Variants in FRMD5 observed in about 807,000 individuals in gnomAD.
FRMD5 encodes the protein FERM domain containing 5.
In FRMD5, 20 loss-of-function variants were observed where a neutral mutation model predicts 69.0. The ratio of observed to expected loss-of-function variants is 0.29; its 90% CI spans 0.20 to 0.42. FRMD5 has a LOEUF of 0.42. Ranked by LOEUF, FRMD5 falls within the 10% of genes least tolerant of loss-of-function variation. The pLI is 1.00. For synonymous variants in FRMD5, 271 were observed against 260.1 expected, an observed-to-expected ratio of 1.04 and a Z score of -0.40; for missense variants, 595 against 708.6, an observed-to-expected ratio of 0.84 and a Z score of 1.82.
chr15:44,014,198 G>A (rs952647041), intron 1 of FRMD5, among the ~76,000 whole-genome samples: 1 of 152,110 alleles, frequency 6.6e-6, no homozygotes, highest in African/African-American at 2.4e-5. Context: ...GGCATGAGAG[G>A]GGGTCTAGGT....
chr15:43,920,487 G>A (rs566760997), intron 2 of FRMD5, among the ~76,000 whole-genome samples: 1 of 152,298 alleles, frequency 6.6e-6, no homozygotes, highest in East Asian at 1.9e-4. Flanking sequence ...ATTTTTCAAG[G>A]AGGCAGGACA....
chr15:44,195,578 A>G (rs868160698), upstream of FRMD5, among the ~76,000 whole-genome samples: 1 of 152,182 alleles, frequency 6.6e-6, no homozygotes, highest in South Asian at 2.1e-4. Context: ...CGCCTGAAAT[A>G]CACTTGATCT....
At chr15:43,971,863 C>T (rs560168362) in intron 1 of FRMD5, among the ~76,000 whole-genome samples, 12 of 148,874 alleles carry the variant, frequency 8.1e-5, no homozygotes, top group South Asian at 2.1e-4. Context: ...CCCGCCACCA[C>T]GCCTGGCTAA....
At chr15:44,135,115 G>A (rs1350848970) in intron 1 of FRMD5, among the ~76,000 whole-genome samples, 1 of 152,160 alleles carries the variant, frequency 6.6e-6, no homozygotes, top group Non-Finnish European at 1.5e-5. Context: ...AAAAAAGTTT[G>A]AATCCCCAAA....
In FRMD5 at chr15:44,160,599, T is replaced by C. The variant is rs576736472; in HGVS notation, c.102+34354A>G. ...ACAATATGGTGAGCATCTTCCTGTA[T>C]TATAACATTCTTCTATAACTTCATG... On this transcript the variant is annotated intron_variant, in intron 1 of 13. Transcript: ENST00000417257. Among the ~76,000 whole-genome samples the C allele has an allele frequency of 1.8e-4, 27 of 152,370 alleles. No homozygotes were observed. In the South Asian group the frequency reaches 4.3e-3, roughly 25 times the overall value.
At chr15:44,029,649 A>G (rs1891592928) in intron 1 of FRMD5, among the ~76,000 whole-genome samples, 1 of 152,244 alleles carries the variant, frequency 6.6e-6, no homozygotes, top group Non-Finnish European at 1.5e-5. Context: ...ACACAAGGCT[A>G]TATAGGATTG....
intron 1 of FRMD5, among the ~76,000 whole-genome samples, chr15:44,005,471 C>CACAAAAAA (rs1890398080): frequency 1.4e-5 from 1 of 69,456 alleles, no homozygotes; most frequent in African/African-American, 5.0e-5. Context: ...AACTCCATCT[C>CACAAAAAA]AAAAAAAAAA....
At chr15:43,879,999 G>T (rs944709733) in intron 13 of FRMD5, among the ~76,000 whole-genome samples, 1 of 152,184 alleles carries the variant, frequency 6.6e-6, no homozygotes. Context: ...CCTGAGGCCT[G>T]GATAAGGGCT....
chr15:43,944,781 G>C (rs2089916975), intron 1 of FRMD5, among the ~76,000 whole-genome samples: 1 of 152,082 alleles, frequency 6.6e-6, no homozygotes, highest in African/African-American at 2.4e-5. Flanking sequence ...CGCATACATA[G>C]TTAAAGGGTC....
intron 1 of FRMD5, among the ~76,000 whole-genome samples, chr15:44,150,361 ATTGT>A (rs1028389143): frequency 6.6e-6 from 1 of 151,834 alleles, no homozygotes; most frequent in African/African-American, 2.4e-5. Flanking sequence ...AAGATATAAA[ATTGT>A]TTGTTTACTG....
intron 1 of FRMD5, among the ~76,000 whole-genome samples, chr15:44,065,110 T>C (rs901623541): frequency 6.6e-6 from 1 of 152,218 alleles, no homozygotes; most frequent in Admixed American, 6.5e-5. Context: ...CTTGGGCAAA[T>C]TATTTAAGTC....
At chr15:44,114,865 C>G (rs575892303) in intron 1 of FRMD5, among the ~76,000 whole-genome samples, 3 of 152,092 alleles carry the variant, frequency 2.0e-5, no homozygotes, top group Non-Finnish European at 4.4e-5. Flanking sequence ...TAAAGAATGA[C>G]GAAGACTGTG....
At chr15:43,926,876 T>G (rs2089594694) in intron 1 of FRMD5, among the ~76,000 whole-genome samples, 1 of 148,134 alleles carries the variant, frequency 6.8e-6, no homozygotes, top group African/African-American at 2.5e-5. Context: ...TGACCTAGGT[T>G]TCTCCTAGGA....
intron 1 of FRMD5, among the ~76,000 whole-genome samples, chr15:44,143,505 C>G (rs1412791362): frequency 2.0e-5 from 3 of 151,920 alleles, no homozygotes; most frequent in African/African-American, 7.3e-5. Flanking sequence ...TATTTTGCTA[C>G]TTAAGGCATC....
chr15:44,082,972 A>G (rs1894055218), intron 1 of FRMD5, among the ~76,000 whole-genome samples: 1 of 151,968 alleles, frequency 6.6e-6, no homozygotes, highest in Non-Finnish European at 1.5e-5. Context: ...AAGGAGTGTG[A>G]TGCAATTATG....
chr15:44,180,066 A>AGGC (rs2077970346), intron 1 of FRMD5, among the ~76,000 whole-genome samples: 1 of 147,828 alleles, frequency 6.8e-6, no homozygotes, highest in African/African-American at 2.7e-5. Context: ...AAAAAAAAAA[A>AGGC]AAAAAAGGCA....
rs1198258469 is a variant in FRMD5 at position 44,195,092 on chromosome 15, T to C, written c.-38A>G. 1 of 1,340,790 alleles carries C rather than the reference T, an allele frequency of 7.5e-7. No homozygotes were observed. The highest frequency in any genetic ancestry group is 9.7e-7 in the Non-Finnish European group (1 of 1,028,026). 83.1% of individuals were successfully genotyped at this position (1,340,790 alleles called of 1,614,324 possible). A position where few individuals can be genotyped will look rare whatever the true frequency, so the allele number is the denominator to read the frequency against. On this transcript the variant is annotated 5_prime_UTR_variant, in exon 1 of 14. Transcript: ENST00000417257. ...CCGCCCGGGAGCGACGCGGCGGCGC[T>C]GCGGACCCTGGACCAGGCGTCCCTC...
chr15:44,145,083 G>C (rs1005179770), intron 1 of FRMD5, among the ~76,000 whole-genome samples: 5 of 152,106 alleles, frequency 3.3e-5, no homozygotes, highest in African/African-American at 1.2e-4. Flanking sequence ...AGAATCCCAG[G>C]GGGATATATA....
intron 1 of FRMD5, among the ~76,000 whole-genome samples, chr15:44,161,404 C>T (rs552665089): frequency 5.3e-5 from 8 of 152,248 alleles, no homozygotes; most frequent in African/African-American, 1.9e-4. Context: ...CTTTAGGATA[C>T]CTCATAGCTT....
Sources: gnomAD v4.1 joint callset for allele counts (sites outside exome capture counted in the v4.1 genomes callset) on GRCh38, gnomAD v4.1.1 for gene constraint, MANE v1.5 for transcripts, NCBI Gene and HGNC (gene_info 2026-07-23, HGNC 2026-07-21) for gene names.